The following C2CD5 variants were observed in gnomAD, a reference collection of about 807,000 sequenced individuals.
C2CD5 encodes C2 calcium dependent domain containing 5, also known as C2 domain-containing protein 5.
A neutral mutation model predicts 130.3 loss-of-function variants in C2CD5; 109 were observed. The observed-to-expected ratio is 0.84, with a 90% CI of 0.72 to 0.98. C2CD5 has a LOEUF of 0.98. Among genes scored for constraint, C2CD5 ranks in the 50% least tolerant of loss-of-function variants. The pLI is 0.00. For synonymous variants in C2CD5, 454 were observed against 429.2 expected, an observed-to-expected ratio of 1.06 and a Z score of -0.71; for missense variants, 996 against 1,261.8, an observed-to-expected ratio of 0.79 and a Z score of 3.19.
At chr12:22,542,163 G>C (rs1952454928) in intron 2 of C2CD5, among the ~76,000 whole-genome samples, 1 of 152,132 alleles carries the variant, frequency 6.6e-6, no homozygotes, top group South Asian at 2.1e-4. Context: ...CATCTGTCTA[G>C]TCCATCAATA....
chr12:22,508,664 G>A (rs1304899282), intron 9 of C2CD5, among the ~76,000 whole-genome samples: 5 of 152,132 alleles, frequency 3.3e-5, no homozygotes, highest in African/African-American at 1.2e-4. Context: ...GGTAATCACT[G>A]AGCAAGTACA....
intron 11 of C2CD5, among the ~76,000 whole-genome samples, chr12:22,492,412 G>A (rs1393810723): frequency 6.6e-6 from 1 of 152,148 alleles, no homozygotes; most frequent in Non-Finnish European, 1.5e-5. Context: ...AAAACGTTAA[G>A]TTGTGATCTG....
At chr12:22,452,342 G>C (rs151222382) in intron 26 of C2CD5, among the ~76,000 whole-genome samples, 46 of 152,168 alleles carry the variant, frequency 3.0e-4, no homozygotes, top group Non-Finnish European at 1.6e-4. Context: ...TCCGTGTAGA[G>C]GTAGTTCGCA....
rs188692588 is a variant in C2CD5 at position 22,532,120 on chromosome 12, C to T, written c.177+3138G>A. Among the ~76,000 whole-genome samples the T allele has an allele frequency of 3.9e-5, 6 of 152,232 alleles. No individual in the cohort carries two copies. In the East Asian group the frequency reaches 5.8e-4, roughly 15 times the overall value. On this transcript the variant is annotated intron_variant, in intron 3 of 26. Transcript: ENST00000446597. Reference sequence around the variant, plus strand: ...CCAAGGTGGGTGGATCACCTGAGGTCGCGAGTTTGAGAACAGCTTGACCAA... The same window carrying T: ...CCAAGGTGGGTGGATCACCTGAGGTTGCGAGTTTGAGAACAGCTTGACCAA...
rs1592074058 is a variant in C2CD5, at chr12:22,544,389, G to A, written c.-99C>T. The A allele has an allele frequency of 2.4e-6, 1 of 414,000 alleles. No individual in the cohort carries two copies. 25.6% of individuals were successfully genotyped at this position (414,000 alleles called of 1,614,324 possible). ...CATTCCGGAGAGGCGGCGGGAGGAA[G>A]GGCTTTGATGGGTTCTTCCGTCCCG... On this transcript the variant is annotated 5_prime_UTR_variant, in exon 1 of 27. Transcript: ENST00000446597.
chr12:22,527,230 A>G (rs557750901), intron 4 of C2CD5, among the ~76,000 whole-genome samples: 12 of 151,776 alleles, frequency 7.9e-5, no homozygotes, highest in African/African-American at 2.9e-4. Context: ...ATTATCTCAA[A>G]TTATGTTGAG....
At chr12:22,532,122 C>T (rs1163139441) in intron 3 of C2CD5, among the ~76,000 whole-genome samples, 2 of 152,008 alleles carry the variant, frequency 1.3e-5, no homozygotes, top group Non-Finnish European at 2.9e-5. Flanking sequence ...CCTGAGGTCG[C>T]GAGTTTGAGA....
rs1948208665 is a variant in C2CD5, at chr12:22,504,364, C to T, written c.1147+2347G>A. Among the ~76,000 whole-genome samples the T allele has an allele frequency of 2.7e-5, 4 of 150,298 alleles. No homozygotes were observed. The South Asian group carries it at 8.4e-4, about 32-fold the overall frequency. On this transcript the variant is annotated intron_variant, in intron 10 of 26. Transcript: ENST00000446597. ...TTGCCCAGGCTGGAGTGCAGTGGCA[C>T]GATCTCAGCTCACTACAACCTCCGC...
Position 22,484,842 on chromosome 12 carries a change from A to C in C2CD5, c.1405T>G (p.Tyr469Asp). The change falls in exon 13 of 27, where the codon TAT (tyrosine) becomes GAT (aspartate). Residue 469 changes from tyrosine to aspartate, a missense_variant. By Grantham distance (160) the Tyr-to-Asp change is radical (BLOSUM62 -3). Coordinates refer to ENST00000446597, the MANE Select transcript of C2CD5 (RefSeq NM_001286176.2). Reference protein sequence around the residue: ...PTRCGFCHIPYDELNMPFPAH... With the variant: ...PTRCGFCHIPDDELNMPFPAH... The stretch of plus-strand genomic sequence containing the variant: ...GGAAATGGCATATTCAGTTCATCAT[A>C]TGGTATATGACAAAATCCACAACGT... The C allele has an allele frequency of 6.2e-7, 1 of 1,604,670 alleles. No individual in the cohort carries two copies. Among genetic ancestry groups the C allele is most frequent in the Non-Finnish European group, 8.5e-7 (1 of 1,175,504 alleles).
intron 22 of C2CD5, among the ~76,000 whole-genome samples, chr12:22,465,551 T>C (rs560506865): frequency 5.9e-5 from 9 of 152,156 alleles, no homozygotes; most frequent in Non-Finnish European, 1.3e-4. Context: ...AAAAATTACA[T>C]GTATAAAATT....
chr12:22,510,280 T>C (rs2136809894), intron 9 of C2CD5, among the ~76,000 whole-genome samples: 1 of 151,040 alleles, frequency 6.6e-6, no homozygotes, highest in East Asian at 1.9e-4. Flanking sequence ...TAGATGTGAA[T>C]TTCAGGAACT....
At chr12:22,452,419 C>T (rs1938857434) in intron 26 of C2CD5, among the ~76,000 whole-genome samples, 1 of 152,000 alleles carries the variant, frequency 6.6e-6, no homozygotes. Flanking sequence ...CCCATGTACC[C>T]CTTTTGACCA....
chr12:22,504,622 G>A (rs1948252748), intron 10 of C2CD5, among the ~76,000 whole-genome samples: 1 of 152,114 alleles, frequency 6.6e-6, no homozygotes, highest in South Asian at 2.1e-4. Flanking sequence ...ATGTTTTTCA[G>A]TAAGCAGAAG....
chr12:22,487,203 A>G (rs1945658931), intron 12 of C2CD5, among the ~76,000 whole-genome samples: 1 of 152,192 alleles, frequency 6.6e-6, no homozygotes, highest in Non-Finnish European at 1.5e-5. Flanking sequence ...AAATTGACAA[A>G]TGGGATCTAA....
chr12:22,484,817 G>A lies in C2CD5; in HGVS notation c.1430C>T (p.Pro477Leu). 1 of 1,608,862 alleles carries A rather than the reference G, an allele frequency of 6.2e-7. No individual in the cohort carries two copies. Among genetic ancestry groups the A allele is most frequent in the Non-Finnish European group, 8.5e-7 (1 of 1,177,070 alleles). The change falls in exon 13 of 27, where the codon CCA (proline) becomes CTA (leucine). Residue 477 changes from proline (P) to leucine (L), a missense_variant. Physicochemically the swap from Pro to Leu is moderately conservative, Grantham distance 98. Coordinates refer to ENST00000446597, the MANE Select transcript of C2CD5 (RefSeq NM_001286176.2). ...GTTATAGCAATATGTGAGATGAGCT[G>A]GAAATGGCATATTCAGTTCATCATA... ...IPYDELNMPF[P>L]AHLTYCYNCR... is the part of the protein sequence containing the mutation.
Position 22,478,427 on chromosome 12 carries a change from C to A in C2CD5, c.1788G>T (p.Gln596His). The A allele has an allele frequency of 6.2e-7, 1 of 1,613,660 alleles. No homozygotes were observed. The highest frequency in any genetic ancestry group is 1.1e-5 in the South Asian group (1 of 91,058). ...CATCATTAGGAGTCTTCCCAGCAAT[C>A]TGAATACCACCAGGAGTTGGTAAAG... The part of the protein sequence containing the change: ...LAALPTPGGI[Q>H]IAGKTPNDGS... The change falls in exon 15 of 27, where the codon CAG (glutamine) becomes CAT (histidine). Residue 596 changes from glutamine (Q) to histidine (H), a missense_variant. Coordinates refer to ENST00000446597, the MANE Select transcript of C2CD5 (RefSeq NM_001286176.2).
chr12:22,455,384 A>C (rs548812729), intron 25 of C2CD5, among the ~76,000 whole-genome samples: 8 of 152,312 alleles, frequency 5.3e-5, no homozygotes. Flanking sequence ...TATTATTATA[A>C]GTTTCTGTTG....
Position 22,449,511 on chromosome 12 carries a change from T to C in C2CD5, c.*249A>G, listed in dbSNP as rs1411996812. The stretch of plus-strand genomic sequence containing the variant: ...TAAATTACAAAGGTTCCATCTTTGC[T>C]ACGGTTCTTTTAAAAATTTATCTTA... On this transcript the variant is annotated 3_prime_UTR_variant, in exon 27 of 27. Coordinates refer to ENST00000446597, the MANE Select transcript of C2CD5 (RefSeq NM_001286176.2). The C allele has an allele frequency of 3.1e-6, 1 of 322,872 alleles. No homozygotes were observed. Among genetic ancestry groups the C allele is most frequent in the African/African-American group, 2.1e-5 (1 of 47,002 alleles). The allele number at this position is 322,872 out of a possible 1,614,324, so 20.0% of individuals were successfully genotyped here.
At chr12:22,457,569 T>C (rs1297125516) in intron 24 of C2CD5, among the ~76,000 whole-genome samples, 1 of 152,174 alleles carries the variant, frequency 6.6e-6, no homozygotes, top group East Asian at 1.9e-4. Context: ...GACTTCATCA[T>C]TGTCAACTTG....
Sources: gnomAD v4.1 joint callset for allele counts (sites outside exome capture counted in the v4.1 genomes callset) on GRCh38, gnomAD v4.1.1 for gene constraint, MANE v1.5 for transcripts, NCBI Gene and HGNC (gene_info 2026-07-23, HGNC 2026-07-21) for gene names.